RGS12: variants seen among roughly 807,000 people sequenced by gnomAD.
RGS12 encodes regulator of G-protein signaling 12.
In RGS12, 66 loss-of-function variants were observed where a neutral mutation model predicts 120.1. The ratio of observed to expected loss-of-function variants is 0.55; its 90% CI spans 0.45 to 0.67. RGS12 has a LOEUF of 0.67. Among genes scored for constraint, RGS12 ranks in the 30% least tolerant of loss-of-function variants. RGS12 has a pLI of 0.00. For synonymous variants in RGS12, 827 were observed against 804.7 expected, an observed-to-expected ratio of 1.03 and a Z score of -0.47; for missense variants, 1,859 against 1,957.7, an observed-to-expected ratio of 0.95 and a Z score of 0.95.
chr4:3,309,097 CTGAGGGGAACCGTGTTGAGGAGGAG>C, intron 1 of RGS12, among the ~76,000 whole-genome samples: 1 of 121,760 alleles, frequency 8.2e-6, no homozygotes, highest in Admixed American at 8.3e-5. Context: ...CAGGTGTCTG[CTGAGGGGAACCGTGTTGAGGAGGAG>C]CTGGGACTCG....
intron 2 of RGS12, among the ~76,000 whole-genome samples, chr4:3,327,889 C>A (rs1056751261): frequency 1.3e-5 from 2 of 152,240 alleles, no homozygotes; most frequent in African/African-American, 4.8e-5. Context: ...TACTGGGTAT[C>A]TGTCTACCCA....
Position 3,365,700 on chromosome 4 carries a change from A to G in RGS12, c.1999-20716A>G, listed in dbSNP as rs556618359. Reference sequence around the variant, plus strand: ...AGGCCTTTCAGAATAAGCTCCTTTTACCCTGTCTCTTAGGTTTGCGACTTT... The same window carrying G: ...AGGCCTTTCAGAATAAGCTCCTTTTGCCCTGTCTCTTAGGTTTGCGACTTT... On this transcript the variant is annotated intron_variant, in intron 3 of 17. Coordinates refer to ENST00000336727, the MANE Select transcript of RGS12 (RefSeq NM_001394154.1). This position sits in a 1 kb window ranked among gnomAD's most constrained non-coding sequence, Gnocchi z 4.0. Among the ~76,000 whole-genome samples the G allele has an allele frequency of 3.9e-5, 6 of 152,066 alleles. No individual in the cohort carries two copies. The highest frequency in any genetic ancestry group is 8.8e-5 in the Non-Finnish European group (6 of 68,016).
intron 4 of RGS12, among the ~76,000 whole-genome samples, chr4:3,404,829 G>A (rs991491800): frequency 3.9e-5 from 6 of 152,248 alleles, no homozygotes; most frequent in Non-Finnish European, 8.8e-5. Flanking sequence ...TCTGTAGAGG[G>A]TGTCAGGCTC....
At chr4:3,342,595 C>T (rs1425043210) in intron 2 of RGS12, 1 of 1,316,792 alleles carries the variant, frequency 7.6e-7, no homozygotes, top group East Asian at 4.8e-5. Flanking sequence ...TGTCCACTTT[C>T]CAAGCACCCT....
At chr4:3,368,087 G>A (rs370352613) in intron 3 of RGS12, among the ~76,000 whole-genome samples, 23 of 152,316 alleles carry the variant, frequency 1.5e-4, no homozygotes, top group African/African-American at 3.6e-4. Context: ...GGCTGCCTTC[G>A]GTTCTCAGGC....
At chr4:3,412,403 G>A (rs1721835915) in intron 4 of RGS12, among the ~76,000 whole-genome samples, 2 of 152,250 alleles carry the variant, frequency 1.3e-5, no homozygotes, top group Admixed American at 6.5e-5. Context: ...TGTCGCTTCT[G>A]CCCCTGAGAG....
upstream of RGS12, among the ~76,000 whole-genome samples, chr4:3,290,629 C>T (rs561723480): frequency 1.3e-4 from 20 of 152,388 alleles, no homozygotes; most frequent in Non-Finnish European, 2.8e-4. Context: ...CCTCCTTAAG[C>T]AACTGTAGCC....
intron 3 of RGS12, among the ~76,000 whole-genome samples, chr4:3,373,260 A>G (rs944024953): frequency 3.3e-5 from 5 of 152,178 alleles, no homozygotes; most frequent in African/African-American, 9.7e-5. Context: ...CGAGTCTACC[A>G]CGGGCGGGCC....
intron 1 of RGS12, among the ~76,000 whole-genome samples, chr4:3,298,604 G>A (rs1014657292): frequency 2.0e-5 from 3 of 152,170 alleles, no homozygotes; most frequent in Admixed American, 6.5e-5. Flanking sequence ...TAGCTGCGTT[G>A]CTCCTTTATG....
chr4:3,341,942 C>T (rs1342990128), intron 2 of RGS12, among the ~76,000 whole-genome samples: 6 of 150,682 alleles, frequency 4.0e-5, no homozygotes, highest in Non-Finnish European at 8.9e-5. Flanking sequence ...GGAGGAGCAG[C>T]GCAGTGCAGG....
At chr4:3,296,207 A>G (rs994498333) in intron 1 of RGS12, among the ~76,000 whole-genome samples, 6 of 152,216 alleles carry the variant, frequency 3.9e-5, no homozygotes, top group Admixed American at 3.9e-4. Flanking sequence ...TTTTAGAGAC[A>G]GGGTCTCACT....
intron 3 of RGS12, among the ~76,000 whole-genome samples, chr4:3,383,878 T>G (rs2108954649): frequency 6.6e-6 from 1 of 152,316 alleles, no homozygotes; most frequent in Middle Eastern, 3.4e-3. Context: ...CTGTTTGGCC[T>G]CTGGGACACT....
At chr4:3,412,702 TG>T (rs1178306553) in intron 4 of RGS12, among the ~76,000 whole-genome samples, 1 of 152,244 alleles carries the variant, frequency 6.6e-6, no homozygotes, top group Non-Finnish European at 1.5e-5. Context: ...TCCATAAAGC[TG>T]CAGCAGAAAA....
chr4:3,396,622 G>A (rs1216476497), intron 4 of RGS12, among the ~76,000 whole-genome samples: 2 of 152,156 alleles, frequency 1.3e-5, no homozygotes, highest in East Asian at 1.9e-4. Flanking sequence ...CCATTGGTCT[G>A]TTTGTCTATC....
chr4:3,309,075 A>G (rs1262710596), intron 1 of RGS12, among the ~76,000 whole-genome samples: 26 of 116,426 alleles, frequency 2.2e-4, no homozygotes, highest in Admixed American at 5.1e-4. Flanking sequence ...AGGAGCTGGG[A>G]CTCGGGAATG....
In RGS12 at chr4:3,417,380, G is replaced by A. The variant is rs1369304830; in HGVS notation, c.2608-8G>A. The A allele has an allele frequency of 6.4e-7, 1 of 1,561,682 alleles. No individual in the cohort carries two copies. Among genetic ancestry groups the A allele is most frequent in the Admixed American group, 2.0e-5 (1 of 51,000 alleles). ...ATTGTTTTAACCAAGGTTTCCATTT[G>A]ATGACAGTTAAGTGGAAAATCAAAA... is the stretch of plus-strand genomic sequence containing the variant. On this transcript the variant is annotated splice_polypyrimidine_tract_variant and splice_region_variant and intron_variant, in intron 8 of 17. Transcript: ENST00000336727.
intron 1 of RGS12, among the ~76,000 whole-genome samples, chr4:3,293,643 G>A (rs866414079): frequency 6.6e-6 from 1 of 152,150 alleles, no homozygotes; most frequent in Admixed American, 6.5e-5. Context: ...CCAGAGCCGT[G>A]CGGTGTAGAC....
intron 13 of RGS12, among the ~76,000 whole-genome samples, chr4:3,424,669 C>T (rs994376445): frequency 1.3e-5 from 2 of 152,216 alleles, no homozygotes; most frequent in Admixed American, 1.3e-4. Flanking sequence ...CTGCGGCCCT[C>T]GGCTGCCGAG....
At chr4:3,289,286 C>T (rs181016127), upstream of RGS12, among the ~76,000 whole-genome samples, 1,329 of 152,272 alleles carry the variant, frequency 8.7e-3, 10 homozygotes, top group Non-Finnish European at 0.015. Context: ...TCATTGCAAC[C>T]TCACTTCTCA....
Sources: gnomAD v4.1 joint callset for allele counts (sites outside exome capture counted in the v4.1 genomes callset) on GRCh38, gnomAD v4.1.1 for gene constraint, Gnocchi (gnomAD v3.1) non-coding constraint, MANE v1.5 for transcripts, NCBI Gene and HGNC (gene_info 2026-07-23, HGNC 2026-07-21) for gene names.